Variants in SLIT3 observed in about 807,000 individuals in gnomAD.
SLIT3 encodes the protein slit guidance ligand 3, also known as slit homolog 3 protein.
SLIT3 carries 68 observed loss-of-function variants against 184.0 expected under a neutral mutation model. The observed-to-expected ratio is 0.37, with a 90% CI of 0.30 to 0.45. The LOEUF is 0.45. Among genes scored for constraint, SLIT3 ranks in the 20% least tolerant of loss-of-function variants. The probability of loss-of-function intolerance (pLI) is 1.00; values close to 1 mark genes in which losing one functional copy is unlikely to be tolerated. For missense variants in SLIT3, 1,707 were observed against 2,026.0 expected, an observed-to-expected ratio of 0.84 and a Z score of 3.02; for synonymous variants, 831 against 828.6, an observed-to-expected ratio of 1.00 and a Z score of -0.05.
chr5:168,743,369 C>T (rs1003998948), intron 20 of SLIT3, among the ~76,000 whole-genome samples: 4 of 152,118 alleles, frequency 2.6e-5, no homozygotes, highest in Non-Finnish European at 4.4e-5. Flanking sequence ...ATATTTAAAA[C>T]TTTTTCATTA....
intron 9 of SLIT3, among the ~76,000 whole-genome samples, chr5:168,803,582 A>G (rs1286933433): frequency 6.6e-6 from 1 of 152,092 alleles, no homozygotes; most frequent in Non-Finnish European, 1.5e-5. Flanking sequence ...GAGAGTATAG[A>G]GATGTGAAGT....
chr5:168,822,196 C>T (rs1424884447), intron 7 of SLIT3, among the ~76,000 whole-genome samples: 1 of 152,184 alleles, frequency 6.6e-6, no homozygotes, highest in Non-Finnish European at 1.5e-5. Context: ...ACAGGCAGCA[C>T]AGATCAGATG....
chr5:168,806,900 G>C (rs1005630975), intron 8 of SLIT3, among the ~76,000 whole-genome samples: 2 of 152,170 alleles, frequency 1.3e-5, no homozygotes, highest in Non-Finnish European at 2.9e-5. Flanking sequence ...AGAATCCAAA[G>C]AGCATATGAT....
At chr5:168,788,904 A>G (rs1756256858) in intron 11 of SLIT3, among the ~76,000 whole-genome samples, 1 of 152,092 alleles carries the variant, frequency 6.6e-6, no homozygotes, top group Non-Finnish European at 1.5e-5. Flanking sequence ...CATCCTGCCT[A>G]CTAAGAAGCA....
intron 3 of SLIT3, among the ~76,000 whole-genome samples, chr5:169,197,516 G>T (rs1175894661): frequency 6.6e-6 from 1 of 152,168 alleles, no homozygotes; most frequent in South Asian, 2.1e-4. Flanking sequence ...TGATAAACAG[G>T]TAAGTGCCGG....
At chr5:169,055,187 C>T (rs1757952720) in intron 4 of SLIT3, among the ~76,000 whole-genome samples, 1 of 152,134 alleles carries the variant, frequency 6.6e-6, no homozygotes, top group African/African-American at 2.4e-5. Flanking sequence ...GGATGCCAGC[C>T]ATGAGACAAG....
chr5:169,004,491 C>T (rs148399505), intron 4 of SLIT3, among the ~76,000 whole-genome samples: 53 of 152,292 alleles, frequency 3.5e-4, no homozygotes, highest in Non-Finnish European at 6.5e-4. Flanking sequence ...TTCCTCCAAG[C>T]GCTGAGTATG....
chr5:169,160,297 G>A (rs1762436170), intron 4 of SLIT3, among the ~76,000 whole-genome samples: 1 of 152,204 alleles, frequency 6.6e-6, no homozygotes, highest in Non-Finnish European at 1.5e-5. Context: ...GAGAAGTTAA[G>A]TGACTTGCCT....
At chr5:168,760,981 C>T (rs371927084) in intron 15 of SLIT3, 45 bp from the exon 16 acceptor site, 2 of 1,408,372 alleles carry the variant, frequency 1.4e-6, no homozygotes, top group East Asian at 2.3e-5. Context: ...GTGGACGAGG[C>T]CCCTCCTTCC....
intron 3 of SLIT3, among the ~76,000 whole-genome samples, chr5:169,204,711 G>C (rs577190380): frequency 7.1e-4 from 108 of 152,322 alleles, no homozygotes; most frequent in Admixed American, 2.1e-3. Context: ...GTGGGTGTCT[G>C]TGGAGGGTCT....
chr5:168,976,859 A>G (rs1754781938), intron 4 of SLIT3, among the ~76,000 whole-genome samples: 2 of 152,244 alleles, frequency 1.3e-5, no homozygotes, highest in Non-Finnish European at 1.5e-5. Flanking sequence ...GCATTCATGC[A>G]TCAAAATAAT....
chr5:168,692,772 TA>T, intron 28 of SLIT3, 72 bp from the exon 29 acceptor site: 2 of 1,073,780 alleles, frequency 1.9e-6, no homozygotes, highest in South Asian at 1.3e-5. Context: ...ATCAGAGTAC[TA>T]GGGGGGATAT....
In SLIT3 at chr5:168,664,642, C is replaced by G. The variant is rs1364399565; in HGVS notation, c.*1812G>C. 6.6e-6 allele frequency: 1 copy of G among 152,184 alleles called. No individual in the cohort carries two copies. The highest frequency in any genetic ancestry group is 6.5e-5 in the Admixed American group (1 of 15,280). The allele number at this position is 152,184 out of a possible 1,614,324, so 9.4% of individuals were successfully genotyped here. A position where few individuals can be genotyped will look rare whatever the true frequency, so the allele number is the denominator to read the frequency against. On this transcript the variant is annotated 3_prime_UTR_variant, in exon 36 of 36. Coordinates refer to ENST00000519560, the MANE Select transcript of SLIT3 (RefSeq NM_003062.4). ...AGATCAACTAGGCTCCTCTAGGGAA[C>G]CTGAGGGCTGAAAGGTCCAATGAAT...
chr5:168,754,022 C>G lies in SLIT3; in HGVS notation c.1686-15G>C. On this transcript the variant is annotated splice_polypyrimidine_tract_variant and intron_variant, in intron 16 of 35. Transcript: ENST00000519560. ...TACTCAGATTTCTAGAAGGAAGAAA[C>G]AGAATAGGGGAGAATCAAAAGGAGC... 1.3e-6 allele frequency: 2 copies of G among 1,556,030 alleles called. No individual in the cohort carries two copies. Among genetic ancestry groups the G allele is most frequent in the Non-Finnish European group, 1.7e-6 (2 of 1,155,096 alleles).
chr5:168,896,962 C>G (rs888271929), intron 4 of SLIT3, among the ~76,000 whole-genome samples: 1 of 152,140 alleles, frequency 6.6e-6, no homozygotes, highest in African/African-American at 2.4e-5. Context: ...GGGTCCAGAG[C>G]CGTGCAGGAA....
chr5:168,899,369 C>G (rs999442087), intron 4 of SLIT3, among the ~76,000 whole-genome samples: 1 of 152,044 alleles, frequency 6.6e-6, no homozygotes, highest in Non-Finnish European at 1.5e-5. Flanking sequence ...TAAAAAATAG[C>G]CGGGCATGGT....
In SLIT3 at chr5:168,962,303, C is replaced by T. The variant is rs78181248; in HGVS notation, c.414-78967G>A. 0.015 allele frequency among the ~76,000 whole-genome samples: 1,969 copies of T among 128,030 alleles called. 65 individuals carry two copies. In the East Asian group the frequency reaches 0.15, roughly 10 times the overall value. The allele number at this position is 128,030 out of a possible 152,430, so 84.0% of individuals were successfully genotyped here. A position where few individuals can be genotyped will look rare whatever the true frequency, so the allele number is the denominator to read the frequency against. ...GCCTTGGAAATCAAACCACACCCCC[C>T]ACCCCACAACACACACACACACACA... On this transcript the variant is annotated intron_variant, in intron 4 of 35. Transcript: ENST00000519560.
chr5:169,053,447 G>A (rs1446785810), intron 4 of SLIT3, among the ~76,000 whole-genome samples: 4 of 152,028 alleles, frequency 2.6e-5, no homozygotes, highest in Non-Finnish European at 5.9e-5. Flanking sequence ...TCCTCTCTAG[G>A]GGAGTTCTTT....
chr5:168,667,084 G>C (rs180995250), intron 35 of SLIT3, among the ~76,000 whole-genome samples: 2 of 152,158 alleles, frequency 1.3e-5, no homozygotes, highest in East Asian at 3.8e-4. Flanking sequence ...AAAAGCAGGA[G>C]ATTTCACCTG....
Sources: allele counts gnomAD v4.1 joint callset (sites outside exome capture counted in the v4.1 genomes callset), GRCh38; gene constraint gnomAD v4.1.1; transcripts MANE v1.5; gene names NCBI Gene and HGNC (gene_info 2026-07-23, HGNC 2026-07-21).